The following ST3GAL3 variants were observed in gnomAD, a reference collection of about 807,000 sequenced individuals.
The protein encoded by ST3GAL3 is CMP-N-acetylneuraminate-beta-1,4-galactoside alpha-2,3-sialyltransferase.
Under a neutral mutation model 50.1 loss-of-function variants are expected in ST3GAL3, and 21 were observed. The ratio of observed to expected loss-of-function variants is 0.42; its 90% CI spans 0.30 to 0.60. ST3GAL3 has a LOEUF of 0.60. Among genes scored for constraint, ST3GAL3 ranks in the 20% least tolerant of loss-of-function variants. ST3GAL3 has a pLI of 0.19. For missense variants in ST3GAL3, 353 were observed against 489.4 expected, an observed-to-expected ratio of 0.72 and a Z score of 2.63; for synonymous variants, 183 against 190.0, an observed-to-expected ratio of 0.96 and a Z score of 0.30.
chr1:43,792,907 A>G (rs2154153396), intron 3 of ST3GAL3, among the ~76,000 whole-genome samples: 1 of 152,280 alleles, frequency 6.6e-6, no homozygotes, highest in African/African-American at 2.4e-5. Flanking sequence ...TTGAGGGAAG[A>G]GTATCTCTGT....
At chr1:43,823,050 C>T (rs2062314150) in intron 4 of ST3GAL3, among the ~76,000 whole-genome samples, 2 of 152,110 alleles carry the variant, frequency 1.3e-5, no homozygotes, top group Non-Finnish European at 2.9e-5. Context: ...CCTTAATATC[C>T]TCAGATCCAG....
chr1:43,760,921 A>C (rs185718354), intron 2 of ST3GAL3, among the ~76,000 whole-genome samples: 1 of 152,258 alleles, frequency 6.6e-6, no homozygotes, highest in Admixed American at 6.5e-5. Flanking sequence ...TAATGCTACA[A>C]TATGGATGAG....
At chr1:43,712,105 TG>T (rs1372117614) in intron 1 of ST3GAL3, among the ~76,000 whole-genome samples, 1 of 152,208 alleles carries the variant, frequency 6.6e-6, no homozygotes, top group Admixed American at 6.5e-5. Context: ...ATCTTATTTT[TG>T]AGCCTAAGTT....
At chr1:43,741,132 G>T (rs1680760463) in intron 2 of ST3GAL3, among the ~76,000 whole-genome samples, 1 of 151,982 alleles carries the variant, frequency 6.6e-6, no homozygotes, top group South Asian at 2.1e-4. Flanking sequence ...TTCAAGACCA[G>T]CCTAGGCAAC....
intron 2 of ST3GAL3, among the ~76,000 whole-genome samples, chr1:43,759,791 G>A (rs1350085697): frequency 2.0e-5 from 3 of 152,164 alleles, no homozygotes; most frequent in Non-Finnish European, 4.4e-5. Flanking sequence ...ATAAAATGAA[G>A]CCAATTTTAC....
At chr1:43,786,176 A>G (rs2057314332) in intron 2 of ST3GAL3, among the ~76,000 whole-genome samples, 1 of 152,118 alleles carries the variant, frequency 6.6e-6, no homozygotes, top group South Asian at 2.1e-4. Context: ...CAGTTGCCAG[A>G]ATAATCAATT....
At chr1:43,772,238 G>T in intron 2 of ST3GAL3, 2 of 380,510 alleles carry the variant, frequency 5.3e-6, no homozygotes, top group Non-Finnish European at 9.3e-6. Flanking sequence ...AGTAGAGATG[G>T]GGTTTCTCCA....
intron 1 of ST3GAL3, among the ~76,000 whole-genome samples, chr1:43,727,500 G>C (rs964173035): frequency 5.3e-5 from 8 of 152,268 alleles, no homozygotes; most frequent in African/African-American, 1.9e-4. Flanking sequence ...ATCCTTGACT[G>C]GGGAGGGGCA....
At chr1:43,745,650 A>G (rs942216832) in intron 2 of ST3GAL3, among the ~76,000 whole-genome samples, 1 of 152,200 alleles carries the variant, frequency 6.6e-6, no homozygotes, top group Non-Finnish European at 1.5e-5. Flanking sequence ...ATTGATTGAG[A>G]CAGAATCTCA....
At position 43,761,677 on chromosome 1, in the gene ST3GAL3, G is replaced by A. The variant is rs187982808; in HGVS notation, c.118+25297G>A. 5.4e-3 allele frequency among the ~76,000 whole-genome samples: 822 copies of A among 152,050 alleles called. 14 individuals are homozygous for A. Among genetic ancestry groups the A allele is most frequent in the African/African-American group, 0.019 (788 of 41,466 alleles). ...AAAAAAAAGTCAGGCTGGGCCGGGC[G>A]CGGTGGCTCATGCCTGTAATCCCAG... On this transcript the variant is annotated intron_variant, in intron 2 of 11. Transcript: ENST00000347631.
At chr1:43,820,842 G>T (rs1306295345) in intron 4 of ST3GAL3, among the ~76,000 whole-genome samples, 2 of 152,156 alleles carry the variant, frequency 1.3e-5, no homozygotes, top group Non-Finnish European at 2.9e-5. Context: ...TTGAGGCCCA[G>T]TTCCACATCT....
intron 5 of ST3GAL3, among the ~76,000 whole-genome samples, chr1:43,875,457 A>G (rs976670100): frequency 6.6e-6 from 1 of 151,978 alleles, no homozygotes; most frequent in Non-Finnish European, 1.5e-5. Flanking sequence ...TTTGGAAGTG[A>G]TATTGTTTGG....
intron 5 of ST3GAL3, among the ~76,000 whole-genome samples, chr1:43,869,937 C>G (rs533283377): frequency 6.6e-6 from 1 of 152,332 alleles, no homozygotes; most frequent in South Asian, 2.1e-4. Flanking sequence ...ACCACCCTCC[C>G]TGTAGCCAAA....
chr1:43,862,166 C>T (rs1462042196), intron 5 of ST3GAL3, among the ~76,000 whole-genome samples: 2 of 152,184 alleles, frequency 1.3e-5, no homozygotes, highest in Admixed American at 6.5e-5. Flanking sequence ...GGGGCCTGGA[C>T]AAGGCAGGCA....
intron 1 of ST3GAL3, 183 bp downstream of exon 1, chr1:43,707,876 A>G (rs1157675194): frequency 6.6e-6 from 1 of 152,262 alleles, no homozygotes; most frequent in East Asian, 1.9e-4. Context: ...CTGGGGGCCC[A>G]GTACCTGGAT....
At chr1:43,735,410 G>A (rs1397642044) in intron 1 of ST3GAL3, among the ~76,000 whole-genome samples, 2 of 152,192 alleles carry the variant, frequency 1.3e-5, no homozygotes, top group African/African-American at 4.8e-5. Flanking sequence ...TGGCGGAGGG[G>A]GAATTTGGAG....
At chr1:43,713,585 G>A (rs1665846110) in intron 1 of ST3GAL3, among the ~76,000 whole-genome samples, 1 of 143,704 alleles carries the variant, frequency 7.0e-6, no homozygotes, top group South Asian at 2.2e-4. Context: ...GAGTGCACTG[G>A]CATGATATGA....
intron 5 of ST3GAL3, among the ~76,000 whole-genome samples, chr1:43,872,314 G>A (rs1558666994): frequency 7.3e-6 from 1 of 137,438 alleles, no homozygotes; most frequent in Non-Finnish European, 1.6e-5. Flanking sequence ...GGGGAGAGGT[G>A]AGAGGGGGAG....
At chr1:43,902,806 T>A (rs977860064) in intron 9 of ST3GAL3, among the ~76,000 whole-genome samples, 2 of 152,122 alleles carry the variant, frequency 1.3e-5, no homozygotes, top group Non-Finnish European at 2.9e-5. Context: ...CCCAACACAC[T>A]CACTCACTTA....
Sources: allele counts gnomAD v4.1 joint callset (sites outside exome capture counted in the v4.1 genomes callset), GRCh38; gene constraint gnomAD v4.1.1; transcripts MANE v1.5; gene names NCBI Gene and HGNC (gene_info 2026-07-23, HGNC 2026-07-21).